DENND2B: variants seen among roughly 807,000 people sequenced by gnomAD.
The protein encoded by DENND2B is DENN domain-containing protein 2B.
A neutral mutation model predicts 116.0 loss-of-function variants in DENND2B; 32 were observed. The ratio of observed to expected loss-of-function variants is 0.28; its 90% CI spans 0.21 to 0.37. The LOEUF is 0.37. DENND2B is among the 10% of genes least tolerant of loss of function. The pLI is 1.00. For missense variants in DENND2B, 1,276 were observed against 1,477.7 expected, an observed-to-expected ratio of 0.86 and a Z score of 2.24; for synonymous variants, 588 against 583.9, an observed-to-expected ratio of 1.01 and a Z score of -0.10.
chr11:8,768,279 T>C (rs1415607020), intron 1 of DENND2B, among the ~76,000 whole-genome samples: 1 of 152,158 alleles, frequency 6.6e-6, no homozygotes, highest in African/African-American at 2.4e-5. Context: ...GATTAGGTCT[T>C]GCTCTGTCTC....
intron 1 of DENND2B, among the ~76,000 whole-genome samples, chr11:8,783,659 A>G (rs1319522879): frequency 6.6e-6 from 1 of 152,252 alleles, no homozygotes; most frequent in Non-Finnish European, 1.5e-5. Context: ...CTCAATGAGC[A>G]TGTATTTCTT....
intron 1 of DENND2B, chr11:8,809,353 C>G (rs1309898568): frequency 6.6e-6 from 1 of 152,164 alleles, no homozygotes; most frequent in Non-Finnish European, 1.5e-5. Flanking sequence ...TCAGAAAGTT[C>G]AAGAAGAAAA....
At chr11:8,865,346 A>C (rs78673841) in intron 2 of DENND2B, among the ~76,000 whole-genome samples, 33 of 152,282 alleles carry the variant, frequency 2.2e-4, no homozygotes, top group Admixed American at 7.2e-4. Context: ...ATAGAAAAAA[A>C]TATATATATT....
chr11:8,886,008 A>T (rs1276796154), intron 1 of DENND2B, among the ~76,000 whole-genome samples: 1 of 152,028 alleles, frequency 6.6e-6, no homozygotes, highest in Non-Finnish European at 1.5e-5. Context: ...TGGTACAATC[A>T]TGGTTCATTG....
At chr11:8,828,661 G>A (rs117549786) in intron 4 of DENND2B, among the ~76,000 whole-genome samples, 2 of 152,160 alleles carry the variant, frequency 1.3e-5, no homozygotes, top group African/African-American at 4.8e-5. Flanking sequence ...GAGGTGACCA[G>A]CTGCAGAGGT....
At position 8,717,743 on chromosome 11, in the gene DENND2B, G is replaced by C. The variant is rs1457633223; in HGVS notation, c.1627C>G (p.Gln543Glu). The C allele has an allele frequency of 5.1e-6, 8 of 1,562,978 alleles. No homozygotes were observed. Among genetic ancestry groups the C allele is most frequent in the African/African-American group, 1.4e-5 (1 of 73,242 alleles). The change falls in exon 5 of 20, where the codon CAG becomes GAG. Residue 543 changes from glutamine (Q) to glutamate (E), a missense_variant and splice_region_variant. Gln to Glu is a conservative substitution (Grantham distance 29, BLOSUM62 2). This residue lies in a region of DENND2B where 856 missense variants were observed against 846.6 expected (regional missense o/e 1.01). Transcript: ENST00000313726. ...QDRKYNSPPT[Q>E]LSLKPNSQSL... Reference sequence around the variant, plus strand: ...GGCCGATGTCAGGGCTGAGTTACCTGTGTGGGCGGGCTGTTGTACTTCCTG... The same window carrying C: ...GGCCGATGTCAGGGCTGAGTTACCTCTGTGGGCGGGCTGTTGTACTTCCTG...
At chr11:8,764,108 T>C (rs2055170682) in intron 1 of DENND2B, among the ~76,000 whole-genome samples, 1 of 152,054 alleles carries the variant, frequency 6.6e-6, no homozygotes, top group African/African-American at 2.4e-5. Flanking sequence ...CCTGTAATCC[T>C]ACTCAGGAGG....
chr11:8,759,291 G>T (rs923427809), intron 1 of DENND2B, among the ~76,000 whole-genome samples: 2 of 152,226 alleles, frequency 1.3e-5, no homozygotes, highest in Non-Finnish European at 2.9e-5. Flanking sequence ...AAATGTGGAT[G>T]TGACAGTATG....
chr11:8,842,757 A>G (rs1211360891), intron 3 of DENND2B, among the ~76,000 whole-genome samples: 1 of 152,106 alleles, frequency 6.6e-6, no homozygotes, highest in Non-Finnish European at 1.5e-5. Flanking sequence ...CATGATGGAG[A>G]CATCATGAAA....
At chr11:8,844,733 ATTTAT>A (rs1444551251) in intron 3 of DENND2B, among the ~76,000 whole-genome samples, 3 of 151,790 alleles carry the variant, frequency 2.0e-5, no homozygotes, top group Non-Finnish European at 4.4e-5. Context: ...TTTTTATTCT[ATTTAT>A]TTTATTTTTT....
intron 16 of DENND2B, among the ~76,000 whole-genome samples, 194 bp downstream of exon 16, chr11:8,698,739 C>T (rs1442865303): frequency 6.6e-6 from 1 of 152,204 alleles, no homozygotes; most frequent in Admixed American, 6.5e-5. Context: ...TCTAGAAGCT[C>T]ATGATGTCAC....
intron 3 of DENND2B, among the ~76,000 whole-genome samples, chr11:8,851,371 G>T (rs551006868): frequency 6.6e-6 from 1 of 151,316 alleles, no homozygotes; most frequent in Admixed American, 6.6e-5. Flanking sequence ...GAAATTAAAC[G>T]GCCATTAAAT....
At chr11:8,905,643 GA>G (rs1290903839) in intron 1 of DENND2B, among the ~76,000 whole-genome samples, 1 of 152,052 alleles carries the variant, frequency 6.6e-6, no homozygotes. Flanking sequence ...AAATACTTAT[GA>G]ATCATACATC....
rs1324695837 is a variant in DENND2B at position 8,795,759 on chromosome 11, T to G, written c.-26+14758A>C. On this transcript the variant is annotated intron_variant, in intron 1 of 19. Transcript: ENST00000313726. ...TTTCCTTCCTGCTTCCTGGGGAAAG[T>G]GATTCCCCGCTTTCTGGATGGTTCA... 2.0e-5 allele frequency among the ~76,000 whole-genome samples: 3 copies of G among 152,186 alleles called. No individual in the cohort carries two copies. In the East Asian group the frequency reaches 5.8e-4, roughly 29 times the overall value.
intron 1 of DENND2B, among the ~76,000 whole-genome samples, chr11:8,900,344 A>G (rs530090767): frequency 9.3e-5 from 14 of 151,350 alleles, no homozygotes; most frequent in African/African-American, 3.4e-4. Flanking sequence ...AGGCAGGAGA[A>G]TGACATGAAC....
intron 2 of DENND2B, among the ~76,000 whole-genome samples, chr11:8,736,366 G>GAA (rs563446497): frequency 8.1e-5 from 12 of 147,466 alleles, no homozygotes; most frequent in Non-Finnish European, 1.2e-4. Context: ...TGTCTCAAAA[G>GAA]AAAAAAAAAA....
At chr11:8,879,321 C>G (rs1450449933) in intron 2 of DENND2B, among the ~76,000 whole-genome samples, 1 of 152,214 alleles carries the variant, frequency 6.6e-6, no homozygotes, top group African/African-American at 2.4e-5. Flanking sequence ...ACCAATACCT[C>G]CCTACTGATC....
chr11:8,744,474 A>G (rs574172833), intron 2 of DENND2B, among the ~76,000 whole-genome samples: 2 of 152,268 alleles, frequency 1.3e-5, no homozygotes, highest in East Asian at 3.9e-4. Flanking sequence ...AGCTTGGAGT[A>G]AAAAGAGCAG....
chr11:8,745,041 AGAGGAGCTG>A (rs1401257788), intron 2 of DENND2B, among the ~76,000 whole-genome samples: 8 of 151,570 alleles, frequency 5.3e-5, no homozygotes, highest in Non-Finnish European at 8.8e-5. Flanking sequence ...CTTAGCTTCT[AGAGGAGCTG>A]GGGCTACAGG....
Sources: gnomAD v4.1 joint callset for allele counts (sites outside exome capture counted in the v4.1 genomes callset) on GRCh38, gnomAD v4.1.1 for gene constraint, gnomAD v4.1.1 regional missense constraint, MANE v1.5 for transcripts, NCBI Gene and HGNC (gene_info 2026-07-23, HGNC 2026-07-21) for gene names.